The following EXOC6 variants were observed in gnomAD, a reference collection of about 807,000 sequenced individuals.
EXOC6 encodes SEC15-like 1.
In EXOC6, 60 loss-of-function variants were observed where a neutral mutation model predicts 112.5. The observed-to-expected ratio is 0.53, with a 90% CI of 0.43 to 0.66. The LOEUF is 0.66. Among genes scored for constraint, EXOC6 ranks in the 30% least tolerant of loss-of-function variants. The probability of loss-of-function intolerance (pLI) is 0.00; values close to 1 mark genes in which losing one functional copy is unlikely to be tolerated. For missense variants in EXOC6, 855 were observed against 957.1 expected (o/e 0.89, Z 1.41); for synonymous variants, 295 against 308.0 (o/e 0.96, Z 0.44).
At chr10:92,966,039 C>T (rs1027067496) in intron 17 of EXOC6, among the ~76,000 whole-genome samples, 3 of 151,920 alleles carry the variant, frequency 2.0e-5, no homozygotes, top group Admixed American at 1.3e-4. Flanking sequence ...TACCCTTCCC[C>T]GAAAGTTTTT....
At chr10:92,949,615 G>A (rs1385887081) in intron 14 of EXOC6, among the ~76,000 whole-genome samples, 5 of 144,816 alleles carry the variant, frequency 3.5e-5, no homozygotes, top group Non-Finnish European at 7.5e-5. Flanking sequence ...TTTTTGAGAC[G>A]GAGTTTTGCT....
intron 1 of EXOC6, among the ~76,000 whole-genome samples, chr10:92,838,870 A>G (rs1386038857): frequency 1.3e-5 from 2 of 152,152 alleles, no homozygotes; most frequent in Non-Finnish European, 2.9e-5. Flanking sequence ...TCAAGAGTTC[A>G]AGACCAGCCT....
chr10:92,848,989 G>A (rs1847188982), intron 1 of EXOC6, among the ~76,000 whole-genome samples: 2 of 152,140 alleles, frequency 1.3e-5, no homozygotes, highest in Admixed American at 6.5e-5. Context: ...CCCCCGTCTC[G>A]CTCGTGGTGG....
intron 21 of EXOC6, among the ~76,000 whole-genome samples, chr10:93,057,696 T>G (rs1846611580): frequency 6.6e-6 from 1 of 152,190 alleles, no homozygotes; most frequent in African/African-American, 2.4e-5. Context: ...CTATTAAAAT[T>G]TTCAATTTTA....
chr10:92,908,472 C>T (rs972359941), intron 5 of EXOC6, among the ~76,000 whole-genome samples: 1 of 152,002 alleles, frequency 6.6e-6, no homozygotes, highest in African/African-American at 2.4e-5. Context: ...TCATCCAATT[C>T]AATAGAAAGA....
intron 4 of EXOC6, 27 bp downstream of exon 4, chr10:92,895,047 C>A: frequency 7.3e-7 from 1 of 1,368,234 alleles, no homozygotes; most frequent in Non-Finnish European, 1.0e-6. Flanking sequence ...TATAATAAAA[C>A]GTTTGGCTTG....
intron 18 of EXOC6, among the ~76,000 whole-genome samples, chr10:92,982,820 T>C (rs1250507805): frequency 2.0e-5 from 3 of 152,228 alleles, no homozygotes; most frequent in Non-Finnish European, 4.4e-5. Context: ...CTGTAGTGTT[T>C]TACTGATGTG....
At chr10:92,877,056 C>A (rs1246632508) in intron 1 of EXOC6, among the ~76,000 whole-genome samples, 1 of 151,954 alleles carries the variant, frequency 6.6e-6, no homozygotes, top group Admixed American at 6.6e-5. Flanking sequence ...TTTTGTCATC[C>A]CTGAACGGGA....
chr10:92,836,534 A>G (rs2133575222), intron 1 of EXOC6, among the ~76,000 whole-genome samples: 1 of 152,298 alleles, frequency 6.6e-6, no homozygotes, highest in South Asian at 2.1e-4. Flanking sequence ...GTTTGGGTAT[A>G]AAAAAGGGTG....
chr10:93,001,249 C>T (rs1315306181), intron 19 of EXOC6, among the ~76,000 whole-genome samples: 1 of 152,126 alleles, frequency 6.6e-6, no homozygotes, highest in Non-Finnish European at 1.5e-5. Flanking sequence ...GCTAAAAGAT[C>T]ATTGAGTTTC....
At chr10:92,904,960 T>G (rs1026138029) in intron 5 of EXOC6, among the ~76,000 whole-genome samples, 1 of 152,068 alleles carries the variant, frequency 6.6e-6, no homozygotes, top group Non-Finnish European at 1.5e-5. Context: ...TATTTTGAAT[T>G]AATTTTTATA....
intron 6 of EXOC6, among the ~76,000 whole-genome samples, chr10:92,912,309 G>A (rs1376746402): frequency 2.6e-5 from 4 of 152,078 alleles, no homozygotes; most frequent in South Asian, 4.2e-4. Context: ...CCAGCAGCCC[G>A]CAATGCAACG....
At chr10:92,881,535 G>A (rs1031170585) in intron 1 of EXOC6, among the ~76,000 whole-genome samples, 3 of 152,168 alleles carry the variant, frequency 2.0e-5, no homozygotes, top group Non-Finnish European at 4.4e-5. Flanking sequence ...CCTGTTTTCT[G>A]CACTTCATTT....
intron 17 of EXOC6, 71 bp downstream of exon 17, chr10:92,955,785 T>A (rs1438197932): frequency 1.4e-6 from 2 of 1,383,060 alleles, no homozygotes; most frequent in African/African-American, 2.9e-5. Flanking sequence ...TAAAGACCGT[T>A]CTTATATATG....
intron 19 of EXOC6, among the ~76,000 whole-genome samples, chr10:92,999,914 G>A (rs1314413500): frequency 1.3e-5 from 2 of 152,006 alleles, no homozygotes; most frequent in Non-Finnish European, 2.9e-5. Context: ...ATATTGGCCA[G>A]GCTGGTCTCA....
At chr10:92,849,035 A>G (rs887627597) in intron 1 of EXOC6, among the ~76,000 whole-genome samples, 5 of 151,930 alleles carry the variant, frequency 3.3e-5, no homozygotes, top group East Asian at 1.9e-4. Flanking sequence ...ATGCCAGGCT[A>G]GGGTCGACAG....
intron 1 of EXOC6, among the ~76,000 whole-genome samples, chr10:92,853,244 T>G (rs1226511345): frequency 6.6e-6 from 1 of 152,202 alleles, no homozygotes; most frequent in East Asian, 1.9e-4. Context: ...TTAACATTGC[T>G]GATACTAAAC....
Position 92,868,316 on chromosome 10 carries a change from T to C in EXOC6, c.101+19682T>C, listed in dbSNP as rs201768783. On this transcript the variant is annotated intron_variant, in intron 1 of 21. Transcript: ENST00000260762. Reference sequence around the variant, plus strand: ...GCTATCCTAGTACCTCTTATTAAAATGTAGGTCTTTTTCATGTTGATTTGA... The same window carrying C: ...GCTATCCTAGTACCTCTTATTAAAACGTAGGTCTTTTTCATGTTGATTTGA... 2.6e-5 allele frequency among the ~76,000 whole-genome samples: 4 copies of C among 152,278 alleles called. No homozygotes were observed. In the East Asian group the frequency reaches 7.7e-4, roughly 29 times the overall value.
chr10:92,943,368 C>T (rs544671331), intron 13 of EXOC6, among the ~76,000 whole-genome samples: 18 of 152,102 alleles, frequency 1.2e-4, no homozygotes, highest in African/African-American at 3.6e-4. Context: ...ACCTCTGACC[C>T]GTATCCTTAA....
Sources: allele counts gnomAD v4.1 joint callset (sites outside exome capture counted in the v4.1 genomes callset), GRCh38; gene constraint gnomAD v4.1.1; transcripts MANE v1.5; gene names NCBI Gene and HGNC (gene_info 2026-07-23, HGNC 2026-07-21).